The following RASSF6 variants were observed in gnomAD, a reference collection of about 807,000 sequenced individuals.
RASSF6 encodes ras association domain-containing protein 6.
Under a neutral mutation model 44.0 loss-of-function variants are expected in RASSF6, and 52 were observed. That is an observed-to-expected ratio of 1.18 (90% CI 0.95 to 1.49). The LOEUF (loss-of-function observed/expected upper bound fraction) is 1.49. Ranked by LOEUF, RASSF6 falls within the 40% of genes most tolerant of loss-of-function variation. The pLI is 0.00. For synonymous variants in RASSF6, 162 were observed against 124.6 expected, an observed-to-expected ratio of 1.30 and a Z score of -2.00; for missense variants, 464 against 393.3, an observed-to-expected ratio of 1.18 and a Z score of -1.52.
chr4:73,591,023 C>A (rs1321043277), intron 4 of RASSF6, among the ~76,000 whole-genome samples: 3 of 151,974 alleles, frequency 2.0e-5, no homozygotes, highest in Admixed American at 2.0e-4. Context: ...TGAAACTCAT[C>A]CAAAAATTCA....
rs1487987011 is a variant in RASSF6 at position 73,573,716 on chromosome 4, C to A, written c.*2519G>T. ...CATTTCTTAATCTTTGCTAATAGGCCAAAATGTGTATTTATTTATTTATTT... is the reference window on the plus strand; with the variant it reads ...CATTTCTTAATCTTTGCTAATAGGCAAAAATGTGTATTTATTTATTTATTT... On this transcript the variant is annotated 3_prime_UTR_variant, in exon 11 of 11. Coordinates refer to ENST00000307439, the MANE Select transcript of RASSF6 (RefSeq NM_177532.5). 2 of 151,986 alleles carry A rather than the reference C, an allele frequency of 1.3e-5. No homozygotes were observed. The highest frequency in any genetic ancestry group is 3.8e-4 in the East Asian group (2 of 5,204). 9.4% of individuals were successfully genotyped at this position (151,986 alleles called of 1,614,324 possible). A position where few individuals can be genotyped will look rare whatever the true frequency, so the allele number is the denominator to read the frequency against.
At chr4:73,599,622 A>G (rs1457971485) in intron 2 of RASSF6, among the ~76,000 whole-genome samples, 1 of 151,950 alleles carries the variant, frequency 6.6e-6, no homozygotes, top group African/African-American at 2.4e-5. Context: ...TCTTTCTCTC[A>G]GTGTCTCTAT....
In RASSF6 at chr4:73,572,779, T is replaced by G. The variant is rs1029719816; in HGVS notation, c.*3456A>C. 6.6e-6 allele frequency: 1 copy of G among 152,188 alleles called. No individual in the cohort carries two copies. The highest frequency in any genetic ancestry group is 2.4e-5 in the African/African-American group (1 of 41,454). The allele number at this position is 152,188 out of a possible 1,614,324, so 9.4% of individuals were successfully genotyped here. A position where few individuals can be genotyped will look rare whatever the true frequency, so the allele number is the denominator to read the frequency against. ...TTTAAATAATAACTTTACTATTTCC[T>G]GATGTAAAAAGTAACAAATATAAAC... is the stretch of plus-strand genomic sequence containing the variant. On this transcript the variant is annotated 3_prime_UTR_variant, in exon 11 of 11. Coordinates refer to ENST00000307439, the MANE Select transcript of RASSF6 (RefSeq NM_177532.5).
At chr4:73,598,559 C>T (rs1725079569) in intron 3 of RASSF6, 81 bp downstream of exon 3, 13 of 660,120 alleles carry the variant, frequency 2.0e-5, no homozygotes, top group Non-Finnish European at 2.4e-5. Context: ...TCACCTGTTT[C>T]TTCCAGAATT....
intron 8 of RASSF6, among the ~76,000 whole-genome samples, chr4:73,578,180 GT>G (rs1218545614): frequency 6.6e-6 from 1 of 152,094 alleles, no homozygotes; most frequent in Admixed American, 6.6e-5. Context: ...CAACACGCTT[GT>G]TCGTTCATAG....
At chr4:73,599,973 C>G (rs1256572497) in intron 2 of RASSF6, among the ~76,000 whole-genome samples, 1 of 152,154 alleles carries the variant, frequency 6.6e-6, no homozygotes, top group Admixed American at 6.5e-5. Flanking sequence ...GGCCTTTGCA[C>G]TTGCTGATCC....
At chr4:73,584,827 T>C (rs1315362522) in intron 6 of RASSF6, among the ~76,000 whole-genome samples, 1 of 152,082 alleles carries the variant, frequency 6.6e-6, no homozygotes, top group East Asian at 1.9e-4. Flanking sequence ...GGTTAAAAAC[T>C]TGTGTTCTGG....
At chr4:73,578,149 G>C (rs187392586) in intron 8 of RASSF6, among the ~76,000 whole-genome samples, 1 of 152,090 alleles carries the variant, frequency 6.6e-6, no homozygotes, top group Admixed American at 6.5e-5. Flanking sequence ...AATGAAAATA[G>C]ACATTTTTTT....
Position 73,576,432 on chromosome 4 carries a change from C to G in RASSF6, c.916G>C (p.Glu306Gln). Residue 306 changes from glutamate to glutamine, a missense_variant, in exon 10 of 11, where the codon GAG becomes CAG. Coordinates refer to ENST00000307439, the MANE Select transcript of RASSF6 (RefSeq NM_177532.5). ...TACTTTGTTACTATTCTTTGAATCT[C>G]TCTTTTCTCTTCTTCATTTAATCTT... ...LQRLNEEEKR[E>Q]IQRIVTKFNK... The G allele has an allele frequency of 6.3e-7, 1 of 1,576,314 alleles. No homozygotes were observed. Among genetic ancestry groups the G allele is most frequent in the Non-Finnish European group, 8.7e-7 (1 of 1,155,422 alleles).
chr4:73,620,113 T>G (rs1726604617), intron 1 of RASSF6, among the ~76,000 whole-genome samples, 175 bp downstream of exon 1: 1 of 152,036 alleles, frequency 6.6e-6, no homozygotes, highest in South Asian at 2.1e-4. Flanking sequence ...CTTACCTTGG[T>G]TAGGAAAGCA....
rs553415499 is a variant in RASSF6, at chr4:73,596,033, T to A, written c.145-2440A>T. Among the ~76,000 whole-genome samples, 58 of 152,144 alleles carry A rather than the reference T, an allele frequency of 3.8e-4. 2 individuals are homozygous for A. The highest frequency in any genetic ancestry group is 1.4e-3 in the African/African-American group (57 of 41,498). On this transcript the variant is annotated intron_variant, in intron 3 of 10. Transcript: ENST00000307439. ...ATATGTAAAGTGAGCTCCATCAGAATACAAGGCTGAGTGAAGAGACGTGTG... is the reference window on the plus strand; with the variant it reads ...ATATGTAAAGTGAGCTCCATCAGAAAACAAGGCTGAGTGAAGAGACGTGTG...
intron 2 of RASSF6, among the ~76,000 whole-genome samples, chr4:73,610,730 C>T (rs975574526): frequency 6.6e-6 from 1 of 152,202 alleles, no homozygotes; most frequent in South Asian, 2.1e-4. Context: ...AATCAGAACC[C>T]TTTCCGCTCT....
chr4:73,583,397 T>A (rs1723820722), intron 6 of RASSF6, among the ~76,000 whole-genome samples: 1 of 152,172 alleles, frequency 6.6e-6, no homozygotes, highest in Non-Finnish European at 1.5e-5. Context: ...TATCATTTAC[T>A]ATCACATTGA....
chr4:73,600,385 TAA>T lies in RASSF6; in HGVS notation c.66-1669_66-1668del, dbSNP rs796771466. On this transcript the variant is annotated intron_variant, in intron 2 of 10. Transcript: ENST00000307439. ...AAGCTTTCTCATATAAGCGGTTTTATAAAAAAAAAAAAGACCCAACAAGTCAT... is the reference window on the plus strand; with the variant it reads ...AAGCTTTCTCATATAAGCGGTTTTATAAAAAAAAAAGACCCAACAAGTCAT... 8.4e-3 allele frequency among the ~76,000 whole-genome samples: 1,196 copies of T among 141,944 alleles called. 17 individuals carry two copies. The highest frequency in any genetic ancestry group is 0.029 in the African/African-American group (1,137 of 38,852). The allele number at this position is 141,944 out of a possible 152,430, so 93.1% of individuals were successfully genotyped here.
At chr4:73,607,150 A>G (rs965967565) in intron 2 of RASSF6, among the ~76,000 whole-genome samples, 1 of 152,234 alleles carries the variant, frequency 6.6e-6, no homozygotes, top group African/African-American at 2.4e-5. Context: ...CACTAAATCC[A>G]GAGTATGTAG....
chr4:73,582,017 T>G (rs573981527), intron 7 of RASSF6, 149 bp from the exon 8 acceptor site: 1 of 693,496 alleles, frequency 1.4e-6, no homozygotes, highest in South Asian at 2.2e-5. Context: ...AATTATATAA[T>G]TTTTCAAGGG....
chr4:73,571,600 A>G lies in RASSF6; in HGVS notation c.*4635T>C, dbSNP rs1381805411. 2 of 152,062 alleles carry G rather than the reference A, an allele frequency of 1.3e-5. No individual in the cohort carries two copies. The highest frequency in any genetic ancestry group is 4.8e-5 in the African/African-American group (2 of 41,434). 9.4% of individuals were successfully genotyped at this position (152,062 alleles called of 1,614,324 possible). A position where few individuals can be genotyped will look rare whatever the true frequency, so the allele number is the denominator to read the frequency against. ...TTTCAGCTATGGGACCAGACTTGTAATAAGTAATACATACATATGGGGAAT... is the reference window on the plus strand; with the variant it reads ...TTTCAGCTATGGGACCAGACTTGTAGTAAGTAATACATACATATGGGGAAT... On this transcript the variant is annotated 3_prime_UTR_variant, in exon 11 of 11. Coordinates refer to ENST00000307439, the MANE Select transcript of RASSF6 (RefSeq NM_177532.5).
At chr4:73,620,559 G>A, upstream of RASSF6, 4 of 1,285,590 alleles carry the variant, frequency 3.1e-6, no homozygotes, top group East Asian at 2.6e-5. Flanking sequence ...AGCCCCAGGA[G>A]CTGTTAATTA....
At chr4:73,598,586 G>GTA (rs2149385332) in intron 3 of RASSF6, 54 bp downstream of exon 3, 1 of 830,024 alleles carries the variant, frequency 1.2e-6, no homozygotes, top group Non-Finnish European at 2.0e-6. Context: ...GTGTGTGTGT[G>GTA]CACGCATGTG....
Sources: gnomAD v4.1 joint callset for allele counts (sites outside exome capture counted in the v4.1 genomes callset) on GRCh38, gnomAD v4.1.1 for gene constraint, MANE v1.5 for transcripts, NCBI Gene and HGNC (gene_info 2026-07-23, HGNC 2026-07-21) for gene names.